The following STK32A variants were observed in gnomAD, a reference collection of about 807,000 sequenced individuals.
The protein encoded by STK32A is serine/threonine-protein kinase 32A.
Under a neutral mutation model 53.2 loss-of-function variants are expected in STK32A, and 41 were observed. That is an observed-to-expected ratio of 0.77 (90% CI 0.60 to 1.00). STK32A has a LOEUF of 1.00. Among genes scored for constraint, STK32A ranks in the 50% least tolerant of loss-of-function variants. The pLI is 0.00. For synonymous variants in STK32A, 166 were observed against 162.8 expected, an observed-to-expected ratio of 1.02 and a Z score of -0.15; for missense variants, 458 against 485.8, an observed-to-expected ratio of 0.94 and a Z score of 0.54.
rs2152010131 is a variant in STK32A at position 147,385,730 on chromosome 5, T to C, written c.*1747T>C. 1.3e-5 allele frequency: 2 copies of C among 152,348 alleles called. No homozygotes were observed. Among genetic ancestry groups the C allele is most frequent in the African/African-American group, 4.8e-5 (2 of 41,580 alleles). 9.4% of individuals were successfully genotyped at this position (152,348 alleles called of 1,614,324 possible). ...GAAGAACTATTTTTGGCAACCCCTA[T>C]GCCCCTGGGTAGGGTCCAGAAGTGA... On this transcript the variant is annotated 3_prime_UTR_variant, in exon 13 of 13. Transcript: ENST00000397936.
chr5:147,304,772 C>T (rs1753320945), intron 4 of STK32A, among the ~76,000 whole-genome samples: 1 of 152,084 alleles, frequency 6.6e-6, no homozygotes, highest in African/African-American at 2.4e-5. Flanking sequence ...GAGGGAAAAC[C>T]ATTTCAGATG....
chr5:147,374,978 A>G (rs1025152139), intron 10 of STK32A, 112 bp from the exon 11 acceptor site: 6 of 821,948 alleles, frequency 7.3e-6, no homozygotes, highest in East Asian at 3.2e-5. Flanking sequence ...ATCCCAGTGT[A>G]TTATTCATGG....
rs550369737 is a variant in STK32A, at chr5:147,324,219, T to G, written c.434+148T>G. 4.5e-5 allele frequency: 37 copies of G among 821,630 alleles called. No homozygotes were observed. The African/African-American group carries it at 5.9e-4, about 13-fold the overall frequency. The allele number at this position is 821,630 out of a possible 1,614,324, so 50.9% of individuals were successfully genotyped here. On this transcript the variant is annotated intron_variant, in intron 5 of 12. Coordinates refer to ENST00000397936, the MANE Select transcript of STK32A (RefSeq NM_001112724.2). ...CCTGAGGTAGGTTGATTGTCTTCAT[T>G]TTGCAGATTTTGTAAAAGACTGAAC...
chr5:147,284,029 T>C (rs1440874561), intron 4 of STK32A, among the ~76,000 whole-genome samples: 1 of 152,010 alleles, frequency 6.6e-6, no homozygotes, highest in Non-Finnish European at 1.5e-5. Flanking sequence ...CTTAACAAAA[T>C]ACTAGCTAAC....
chr5:147,322,074 A>C (rs547566875), intron 4 of STK32A, among the ~76,000 whole-genome samples: 3 of 152,314 alleles, frequency 2.0e-5, no homozygotes, highest in African/African-American at 7.2e-5. Context: ...TGTAAAACAC[A>C]GTGAATATAA....
chr5:147,240,331 C>A (rs774669053), intron 2 of STK32A, among the ~76,000 whole-genome samples: 4 of 152,134 alleles, frequency 2.6e-5, no homozygotes, highest in Non-Finnish European at 4.4e-5. Context: ...TTGGCGTATG[C>A]AGGTGGCAGC....
intron 4 of STK32A, among the ~76,000 whole-genome samples, chr5:147,291,301 G>A (rs1752587337): frequency 6.6e-6 from 1 of 152,108 alleles, no homozygotes; most frequent in African/African-American, 2.4e-5. Flanking sequence ...TTCCCAGATG[G>A]TCCTGTCCCA....
chr5:147,299,970 A>G (rs1753052024), intron 4 of STK32A, among the ~76,000 whole-genome samples: 1 of 152,020 alleles, frequency 6.6e-6, no homozygotes, highest in African/African-American at 2.4e-5. Flanking sequence ...TGCATAGTTC[A>G]TATAGCTCAG....
chr5:147,258,269 A>G (rs1295890914), intron 2 of STK32A, among the ~76,000 whole-genome samples: 1 of 151,876 alleles, frequency 6.6e-6, no homozygotes, highest in Non-Finnish European at 1.5e-5. Context: ...AACTTTAGCC[A>G]ATATGTTTAC....
intron 4 of STK32A, among the ~76,000 whole-genome samples, chr5:147,303,900 T>A (rs1191207194): frequency 6.6e-6 from 1 of 152,162 alleles, no homozygotes; most frequent in Admixed American, 6.6e-5. Context: ...CACCTAGAGA[T>A]GTTGACTGAC....
At chr5:147,331,778 T>TA (rs1405628164) in intron 5 of STK32A, among the ~76,000 whole-genome samples, 2 of 152,070 alleles carry the variant, frequency 1.3e-5, no homozygotes, top group Non-Finnish European at 2.9e-5. Flanking sequence ...GATGTGGATG[T>TA]AGAGAGACAC....
intron 4 of STK32A, among the ~76,000 whole-genome samples, chr5:147,320,643 C>A (rs949832264): frequency 1.3e-5 from 2 of 152,138 alleles, no homozygotes; most frequent in Admixed American, 1.3e-4. Context: ...TGGCATTGCA[C>A]GTAACAGGGG....
chr5:147,344,406 A>T (rs1386952710), intron 6 of STK32A, among the ~76,000 whole-genome samples: 12 of 152,184 alleles, frequency 7.9e-5, no homozygotes, highest in Non-Finnish European at 1.5e-5. Flanking sequence ...CTGACATTTG[A>T]AAACAGGGTC....
intron 2 of STK32A, among the ~76,000 whole-genome samples, chr5:147,276,039 A>G (rs905860671): frequency 2.0e-5 from 3 of 152,190 alleles, no homozygotes; most frequent in African/African-American, 7.2e-5. Context: ...ACTGTGAGTT[A>G]TTGGATTTGC....
At chr5:147,325,512 G>T (rs1754537028) in intron 5 of STK32A, among the ~76,000 whole-genome samples, 1 of 152,162 alleles carries the variant, frequency 6.6e-6, no homozygotes, top group Admixed American at 6.5e-5. Context: ...AGAATTTATA[G>T]ATTCTCTGTG....
the STK32A span, chr5:147,395,658 T>G: frequency 1.2e-6 from 2 of 1,613,246 alleles, no homozygotes; most frequent in Non-Finnish European, 1.7e-6. Context: ...CCTTTGGGGG[T>G]GGTGGTCAGG....
At chr5:147,257,568 G>T (rs763139226) in intron 2 of STK32A, among the ~76,000 whole-genome samples, 1 of 152,166 alleles carries the variant, frequency 6.6e-6, no homozygotes, top group Non-Finnish European at 1.5e-5. Context: ...GTTTGGCAGG[G>T]CTTTCCCCTG....
At chr5:147,330,338 A>AAT (rs1754805325) in intron 5 of STK32A, among the ~76,000 whole-genome samples, 1 of 152,210 alleles carries the variant, frequency 6.6e-6, no homozygotes, top group East Asian at 1.9e-4. Flanking sequence ...TAGAAAGAAA[A>AAT]CAGAGTACAC....
rs146928635 is a variant in STK32A, at chr5:147,294,532, C to T, written c.260+15134C>T. The stretch of plus-strand genomic sequence containing the variant: ...CTTAGGACAAAATCTACTTTCCTTT[C>T]TCCCTTATCATTTTGACCACACAAT... On this transcript the variant is annotated intron_variant, in intron 4 of 12. Coordinates refer to ENST00000397936, the MANE Select transcript of STK32A (RefSeq NM_001112724.2). 2.0e-5 allele frequency among the ~76,000 whole-genome samples: 3 copies of T among 152,202 alleles called. No individual in the cohort carries two copies. In the East Asian group the frequency reaches 5.8e-4, roughly 29 times the overall value.
Sources: allele counts gnomAD v4.1 joint callset (sites outside exome capture counted in the v4.1 genomes callset), GRCh38; gene constraint gnomAD v4.1.1; transcripts MANE v1.5; gene names NCBI Gene and HGNC (gene_info 2026-07-23, HGNC 2026-07-21).